Variants in B3GALT1 observed in about 807,000 individuals in gnomAD.
The protein encoded by B3GALT1 is beta-1,3-galactosyltransferase 1, also known as UDP-Gal:betaGlcNAc beta 1,3-galactosyltransferase, polypeptide 1.
Under a neutral mutation model 23.2 loss-of-function variants are expected in B3GALT1, and 10 were observed. The observed-to-expected ratio is 0.43, with a 90% CI of 0.27 to 0.73. The LOEUF is 0.73. Ranked by LOEUF, B3GALT1 falls within the 30% of genes least tolerant of loss-of-function variation. B3GALT1 has a pLI of 0.21. For missense variants in B3GALT1, 299 were observed against 405.4 expected, an observed-to-expected ratio of 0.74 and a Z score of 2.25; for synonymous variants, 156 against 141.5, an observed-to-expected ratio of 1.10 and a Z score of -0.73.
chr2:167,367,099 A>G (rs538522335), intron 1 of B3GALT1, among the ~76,000 whole-genome samples: 2 of 152,238 alleles, frequency 1.3e-5, no homozygotes, highest in Non-Finnish European at 2.9e-5. Context: ...AGACTATTAC[A>G]TCACACTGAG....
At chr2:167,615,297 G>T (rs1414328598) in intron 2 of B3GALT1, among the ~76,000 whole-genome samples, 1 of 151,992 alleles carries the variant, frequency 6.6e-6, no homozygotes, top group African/African-American at 2.4e-5. Flanking sequence ...GACAAATACT[G>T]TGTGATCTCG....
chr2:167,499,636 A>C (rs1380542403), intron 2 of B3GALT1, among the ~76,000 whole-genome samples: 1 of 152,122 alleles, frequency 6.6e-6, no homozygotes, highest in East Asian at 1.9e-4. Context: ...AAAAAACAGA[A>C]ATCTTAATTT....
chr2:167,453,715 G>A (rs1322938295), intron 1 of B3GALT1, among the ~76,000 whole-genome samples: 2 of 152,178 alleles, frequency 1.3e-5, no homozygotes, highest in Non-Finnish European at 2.9e-5. Flanking sequence ...GAAAATGGTT[G>A]ACCAAGAATT....
intron 3 of B3GALT1, among the ~76,000 whole-genome samples, chr2:167,801,836 A>G (rs1343865982): frequency 6.6e-6 from 1 of 152,190 alleles, no homozygotes; most frequent in Non-Finnish European, 1.5e-5. Flanking sequence ...CATATTAGCA[A>G]GTGTTGCATG....
chr2:167,473,899 A>G (rs1476294075), intron 1 of B3GALT1, among the ~76,000 whole-genome samples: 2 of 152,198 alleles, frequency 1.3e-5, no homozygotes, highest in African/African-American at 4.8e-5. Flanking sequence ...ACGTGAAGTA[A>G]TAAATGTTCC....
At chr2:167,386,490 G>A (rs997340005) in intron 1 of B3GALT1, among the ~76,000 whole-genome samples, 1 of 152,100 alleles carries the variant, frequency 6.6e-6, no homozygotes, top group Non-Finnish European at 1.5e-5. Flanking sequence ...TAACAATGCA[G>A]CTATCTCCTG....
intron 4 of B3GALT1, among the ~76,000 whole-genome samples, chr2:167,819,126 C>T (rs1307850391): frequency 6.6e-6 from 1 of 152,144 alleles, no homozygotes; most frequent in Admixed American, 6.5e-5. Flanking sequence ...AAAATTCATA[C>T]TTACAAGTGT....
intron 4 of B3GALT1, among the ~76,000 whole-genome samples, chr2:167,865,249 A>G (rs1025681507): frequency 1.3e-5 from 2 of 151,972 alleles, no homozygotes; most frequent in African/African-American, 2.4e-5. Flanking sequence ...TCTCTACTAA[A>G]AATACAAAAA....
chr2:167,853,547 T>C (rs1465599057), intron 4 of B3GALT1, among the ~76,000 whole-genome samples: 1 of 152,170 alleles, frequency 6.6e-6, no homozygotes. Context: ...AAATTTGCAT[T>C]TTCATTTGTA....
At chr2:167,443,989 A>G (rs1698939262) in intron 1 of B3GALT1, among the ~76,000 whole-genome samples, 1 of 152,142 alleles carries the variant, frequency 6.6e-6, no homozygotes, top group South Asian at 2.1e-4. Context: ...ATTCAGTATG[A>G]TATTGGCTGT....
chr2:167,731,501 T>A (rs1305164742), intron 3 of B3GALT1, among the ~76,000 whole-genome samples: 1 of 152,254 alleles, frequency 6.6e-6, no homozygotes, highest in East Asian at 1.9e-4. Context: ...ATTAGTCACT[T>A]TGAGCCTTGT....
chr2:167,296,183 G>A (rs1208507979), intron 1 of B3GALT1, among the ~76,000 whole-genome samples: 1 of 152,146 alleles, frequency 6.6e-6, no homozygotes, highest in African/African-American at 2.4e-5. Context: ...TTCTTGACTT[G>A]TACAAAATTT....
At chr2:167,448,318 G>T (rs370915492) in intron 1 of B3GALT1, among the ~76,000 whole-genome samples, 2 of 151,902 alleles carry the variant, frequency 1.3e-5, no homozygotes, top group Non-Finnish European at 2.9e-5. Flanking sequence ...GGTCATTCTT[G>T]CAGGAGTAAG....
At chr2:167,584,980 G>C (rs760857186) in intron 2 of B3GALT1, among the ~76,000 whole-genome samples, 1 of 152,004 alleles carries the variant, frequency 6.6e-6, no homozygotes, top group African/African-American at 2.4e-5. Context: ...TTTGCCCCCC[G>C]TCTCATCCCC....
chr2:167,621,371 C>T (rs1307371279), intron 2 of B3GALT1, among the ~76,000 whole-genome samples: 2 of 151,966 alleles, frequency 1.3e-5, no homozygotes, highest in Admixed American at 6.6e-5. Flanking sequence ...CAGGCGTGAG[C>T]CACCTTGCCT....
chr2:167,761,647 G>A (rs1468915449), intron 3 of B3GALT1, among the ~76,000 whole-genome samples: 1 of 152,182 alleles, frequency 6.6e-6, no homozygotes, highest in Non-Finnish European at 1.5e-5. Flanking sequence ...ACTATCCAGG[G>A]CAAGTGAAAC....
At chr2:167,682,392 A>G (rs1391361480) in intron 3 of B3GALT1, among the ~76,000 whole-genome samples, 1 of 152,208 alleles carries the variant, frequency 6.6e-6, no homozygotes, top group Non-Finnish European at 1.5e-5. Flanking sequence ...TTCTGCTGCC[A>G]TGTTATCACA....
intron 2 of B3GALT1, among the ~76,000 whole-genome samples, chr2:167,643,276 G>GAA (rs1685687439): frequency 6.6e-6 from 1 of 152,102 alleles, no homozygotes; most frequent in Admixed American, 6.6e-5. Flanking sequence ...GTATTTTTGG[G>GAA]ATATTATCTC....
intron 3 of B3GALT1, among the ~76,000 whole-genome samples, chr2:167,720,775 T>C (rs1272474097): frequency 6.6e-6 from 1 of 152,218 alleles, no homozygotes; most frequent in African/African-American, 2.4e-5. Flanking sequence ...TGATGCTCTT[T>C]GTAACCATTC....
Sources: gnomAD v4.1 joint callset for allele counts (sites outside exome capture counted in the v4.1 genomes callset) on GRCh38, gnomAD v4.1.1 for gene constraint, MANE v1.5 for transcripts, NCBI Gene and HGNC (gene_info 2026-07-23, HGNC 2026-07-21) for gene names.